ROBO1: variants seen among roughly 807,000 people sequenced by gnomAD.
The protein encoded by ROBO1 is roundabout homolog 1.
ROBO1 carries 149 observed loss-of-function variants against 195.9 expected under a neutral mutation model. The observed-to-expected ratio is 0.76, with a 90% confidence interval of 0.67 to 0.87. The LOEUF (loss-of-function observed/expected upper bound fraction) is 0.87, where lower values mean the gene tolerates loss of function less well. Among genes scored for constraint, ROBO1 ranks in the 40% least tolerant of loss-of-function variants. ROBO1 has a pLI of 0.00. For missense variants in ROBO1, 1,933 were observed against 2,068.3 expected, an observed-to-expected ratio of 0.93 and a Z score of 1.27; for synonymous variants, 816 against 733.2, an observed-to-expected ratio of 1.11 and a Z score of -1.82.
intron 2 of ROBO1, among the ~76,000 whole-genome samples, chr3:79,541,333 G>A (rs2107641849): frequency 6.6e-6 from 1 of 152,114 alleles, no homozygotes; most frequent in Middle Eastern, 3.4e-3. Context: ...TTCTGCTACT[G>A]ACTTTTATTG....
intron 3 of ROBO1, among the ~76,000 whole-genome samples, chr3:79,039,563 C>T (rs1036411683): frequency 9.9e-5 from 15 of 152,000 alleles, no homozygotes; most frequent in Admixed American, 7.2e-4. Flanking sequence ...TTTGGGAGGC[C>T]GAGGTGGGCA....
At chr3:79,025,296 C>T (rs191259772) in intron 3 of ROBO1, among the ~76,000 whole-genome samples, 1 of 152,318 alleles carries the variant, frequency 6.6e-6, no homozygotes, top group Admixed American at 6.5e-5. Context: ...TTTAAACTTA[C>T]ATTCGCACGC....
chr3:79,226,024 A>G (rs1179284254), intron 2 of ROBO1, among the ~76,000 whole-genome samples: 1 of 152,186 alleles, frequency 6.6e-6, no homozygotes, highest in African/African-American at 2.4e-5. Context: ...CACAAAAAGC[A>G]CAACCTCCTG....
chr3:79,218,268 T>C (rs901733022), intron 2 of ROBO1, among the ~76,000 whole-genome samples: 4 of 152,032 alleles, frequency 2.6e-5, no homozygotes, highest in African/African-American at 9.7e-5. Context: ...CCTATTGTCA[T>C]TTGAGAAAGT....
At chr3:79,752,475 C>T (rs1320509399) in intron 1 of ROBO1, among the ~76,000 whole-genome samples, 1 of 151,962 alleles carries the variant, frequency 6.6e-6, no homozygotes, top group Non-Finnish European at 1.5e-5. Flanking sequence ...ATAGTGGTGC[C>T]ATGGGAGCTT....
intron 20 of ROBO1, 33 bp downstream of exon 20, chr3:78,647,596 A>T: frequency 6.3e-7 from 1 of 1,598,258 alleles, no homozygotes; most frequent in Non-Finnish European, 8.6e-7. Context: ...CAAACTAACA[A>T]TGGAAAGGAG....
intron 4 of ROBO1, among the ~76,000 whole-genome samples, chr3:78,845,794 G>A (rs1048174426): frequency 6.6e-6 from 1 of 152,128 alleles, no homozygotes; most frequent in Non-Finnish European, 1.5e-5. Flanking sequence ...CTGGAAAAGT[G>A]CAATAAACTG....
intron 2 of ROBO1, among the ~76,000 whole-genome samples, chr3:79,180,963 G>C (rs930023506): frequency 6.6e-6 from 1 of 152,148 alleles, no homozygotes; most frequent in Admixed American, 6.5e-5. Context: ...AAGAAGGCTG[G>C]TGAGATTGTA....
intron 2 of ROBO1, among the ~76,000 whole-genome samples, chr3:79,253,551 G>T (rs986642621): frequency 6.6e-6 from 1 of 152,160 alleles, no homozygotes; most frequent in Admixed American, 6.6e-5. Context: ...GCCTACTTAT[G>T]TTCTTTAGTT....
At chr3:79,437,333 T>A (rs527555149) in intron 2 of ROBO1, among the ~76,000 whole-genome samples, 1 of 152,144 alleles carries the variant, frequency 6.6e-6, no homozygotes, top group Non-Finnish European at 1.5e-5. Flanking sequence ...CTGGCCCTTC[T>A]CTTCCCTTCC....
chr3:78,845,173 TA>T (rs2033569341), intron 4 of ROBO1, among the ~76,000 whole-genome samples: 1 of 152,006 alleles, frequency 6.6e-6, no homozygotes. Flanking sequence ...CAGATGTGTG[TA>T]AGTATAAAAT....
intron 4 of ROBO1, among the ~76,000 whole-genome samples, chr3:78,893,688 C>T (rs1488810305): frequency 6.6e-6 from 1 of 152,048 alleles, no homozygotes; most frequent in Non-Finnish European, 1.5e-5. Context: ...ACTTGTATTA[C>T]ACTTTGTGAA....
intron 2 of ROBO1, among the ~76,000 whole-genome samples, chr3:79,278,234 A>G (rs2031213302): frequency 6.6e-6 from 1 of 152,180 alleles, no homozygotes; most frequent in Admixed American, 6.5e-5. Context: ...AAATGTCCAT[A>G]CTACCCATAT....
At chr3:79,046,748 G>A (rs1349740179) in intron 3 of ROBO1, among the ~76,000 whole-genome samples, 1 of 152,088 alleles carries the variant, frequency 6.6e-6, no homozygotes, top group African/African-American at 2.4e-5. Context: ...CAGATTATGG[G>A]TGGATCTGAT....
At chr3:79,727,768 A>AAAT in intron 1 of ROBO1, among the ~76,000 whole-genome samples, 1 of 152,306 alleles carries the variant, frequency 6.6e-6, no homozygotes, top group East Asian at 1.9e-4. Context: ...TGCAGTTATA[A>AAAT]AATATTGGCC....
intron 2 of ROBO1, among the ~76,000 whole-genome samples, chr3:79,442,133 G>T (rs2039075433): frequency 6.6e-6 from 1 of 152,096 alleles, no homozygotes; most frequent in Admixed American, 6.5e-5. Context: ...ACAGAAGACT[G>T]CCTTAAATGT....
At chr3:78,726,331 A>G (rs1372825395) in intron 5 of ROBO1, among the ~76,000 whole-genome samples, 1 of 152,200 alleles carries the variant, frequency 6.6e-6, no homozygotes, top group Admixed American at 6.5e-5. Flanking sequence ...CATCATACCA[A>G]TAAGAAATTA....
chr3:79,263,120 T>G (rs2082970846), intron 2 of ROBO1, among the ~76,000 whole-genome samples: 1 of 152,136 alleles, frequency 6.6e-6, no homozygotes, highest in Admixed American at 6.6e-5. Context: ...ATATTTTCCC[T>G]TTCTTCAATT....
chr3:79,364,992 C>A (rs1396429337), intron 2 of ROBO1, among the ~76,000 whole-genome samples: 1 of 152,196 alleles, frequency 6.6e-6, no homozygotes, highest in Non-Finnish European at 1.5e-5. Context: ...TCCACTCTGA[C>A]TGAGTTCTGA....
Sources: allele counts gnomAD v4.1 joint callset (sites outside exome capture counted in the v4.1 genomes callset), GRCh38; gene constraint gnomAD v4.1.1; transcripts MANE v1.5; gene names NCBI Gene and HGNC (gene_info 2026-07-23, HGNC 2026-07-21).